ZBTB20: variants seen among roughly 807,000 people sequenced by gnomAD.
ZBTB20 encodes zinc finger and BTB domain containing 20.
ZBTB20 carries 9 observed loss-of-function variants against 56.9 expected under a neutral mutation model. That is an observed-to-expected ratio of 0.16 (90% CI 0.10 to 0.28). The LOEUF (loss-of-function observed/expected upper bound fraction) is 0.28. ZBTB20 is among the 10% of genes least tolerant of loss of function. The pLI, the probability that ZBTB20 is intolerant of heterozygous loss-of-function variation, is 1.00. For missense variants in ZBTB20, 655 were observed against 1,003.0 expected (o/e 0.65, Z 4.69); for synonymous variants, 417 against 420.7 (o/e 0.99, Z 0.11).
At chr3:114,349,633 C>A (rs908731372) in intron 11 of ZBTB20, among the ~76,000 whole-genome samples, 1 of 152,156 alleles carries the variant, frequency 6.6e-6, no homozygotes, top group Admixed American at 6.5e-5. Context: ...CTGATAGCAT[C>A]CAATCATTGG....
intron 11 of ZBTB20, among the ~76,000 whole-genome samples, chr3:114,349,735 T>C (rs1195231439): frequency 6.6e-6 from 1 of 152,206 alleles, no homozygotes; most frequent in African/African-American, 2.4e-5. Context: ...AGAGCACTTA[T>C]TATATGCTTG....
At chr3:114,654,337 A>G (rs973466702) in intron 6 of ZBTB20, among the ~76,000 whole-genome samples, 13 of 152,092 alleles carry the variant, frequency 8.5e-5, no homozygotes, top group African/African-American at 3.1e-4. Flanking sequence ...AATATACTGC[A>G]TAACTTAATT....
chr3:115,024,178 T>C (rs2080319307), intron 2 of ZBTB20, among the ~76,000 whole-genome samples: 1 of 151,082 alleles, frequency 6.6e-6, no homozygotes, highest in African/African-American at 2.4e-5. Context: ...CCTCCCTTTT[T>C]CTTCCTTGTA....
chr3:114,426,646 A>G lies in ZBTB20; in HGVS notation c.-254-37541T>C, dbSNP rs141956653. On this transcript the variant is annotated intron_variant, in intron 7 of 11. Coordinates refer to ENST00000675478, the MANE Select transcript of ZBTB20 (RefSeq NM_001348800.3). ...CTGAACTTTTTCCACATAAGCCTGCATCTACGGAATAATCCCTCATGCACT... is the reference window on the plus strand; with the variant it reads ...CTGAACTTTTTCCACATAAGCCTGCGTCTACGGAATAATCCCTCATGCACT... 1.5e-3 allele frequency among the ~76,000 whole-genome samples: 227 copies of G among 152,260 alleles called. 1 individual carries two copies. Among genetic ancestry groups the G allele is most frequent in the African/African-American group, 5.2e-3 (215 of 41,546 alleles).
At chr3:114,684,189 C>T (rs1192770619) in intron 6 of ZBTB20, among the ~76,000 whole-genome samples, 1 of 152,172 alleles carries the variant, frequency 6.6e-6, no homozygotes, top group African/African-American at 2.4e-5. Context: ...AAAATCCTGA[C>T]ACTCATTCAC....
intron 2 of ZBTB20, among the ~76,000 whole-genome samples, chr3:115,033,670 G>A (rs1215046448): frequency 6.6e-6 from 1 of 151,372 alleles, no homozygotes; most frequent in Non-Finnish European, 1.5e-5. Context: ...ACATAATGAA[G>A]TACTATTCAG....
intron 10 of ZBTB20, among the ~76,000 whole-genome samples, chr3:114,353,328 C>T (rs546367079): frequency 2.6e-5 from 4 of 152,290 alleles, no homozygotes; most frequent in South Asian, 2.1e-4. Context: ...CTCTACCTTG[C>T]GATAGAAGAC....
intron 3 of ZBTB20, among the ~76,000 whole-genome samples, chr3:114,962,478 G>A (rs115263542): frequency 4.5e-4 from 68 of 152,186 alleles, no homozygotes; most frequent in African/African-American, 1.6e-3. Context: ...TTCTAAGGCT[G>A]GTAGATAAGT....
chr3:114,947,967 A>C (rs1242783440), intron 3 of ZBTB20, among the ~76,000 whole-genome samples: 1 of 145,836 alleles, frequency 6.9e-6, no homozygotes, highest in Non-Finnish European at 1.5e-5. Flanking sequence ...TTATGAGAAT[A>C]ATATAACTAT....
chr3:114,771,113 T>C (rs908715385), intron 5 of ZBTB20, among the ~76,000 whole-genome samples: 20 of 152,228 alleles, frequency 1.3e-4, no homozygotes, highest in African/African-American at 4.6e-4. Context: ...CTCTATTTTT[T>C]TTCATTTGTA....
chr3:114,398,015 C>G (rs942663475), intron 7 of ZBTB20, among the ~76,000 whole-genome samples: 4 of 152,118 alleles, frequency 2.6e-5, no homozygotes, highest in Non-Finnish European at 5.9e-5. Context: ...GTCAGAAAGA[C>G]TAAGCACATT....
At chr3:114,498,634 G>T (rs1368369284) in intron 7 of ZBTB20, among the ~76,000 whole-genome samples, 4 of 152,120 alleles carry the variant, frequency 2.6e-5, no homozygotes, top group Middle Eastern at 3.2e-3. Flanking sequence ...CCCAGGGATG[G>T]CACAAGGTCA....
At chr3:114,778,849 CA>C (rs1342041838) in intron 5 of ZBTB20, among the ~76,000 whole-genome samples, 2 of 151,868 alleles carry the variant, frequency 1.3e-5, no homozygotes, top group Non-Finnish European at 2.9e-5. Flanking sequence ...CAGTAGTTTT[CA>C]AAACAAGAAG....
chr3:114,977,868 G>A (rs1260935313), intron 2 of ZBTB20, among the ~76,000 whole-genome samples: 1 of 151,808 alleles, frequency 6.6e-6, no homozygotes, highest in Admixed American at 6.6e-5. Flanking sequence ...AAATTAGTTG[G>A]ACATGGTGGT....
intron 6 of ZBTB20, among the ~76,000 whole-genome samples, chr3:114,596,780 A>T (rs1359981314): frequency 6.6e-6 from 1 of 152,090 alleles, no homozygotes; most frequent in Admixed American, 6.6e-5. Flanking sequence ...GAAAGAAGAA[A>T]ATCACTTCCA....
intron 6 of ZBTB20, among the ~76,000 whole-genome samples, chr3:114,664,253 T>TCATTACTTATGG (rs2060918607): frequency 6.6e-6 from 1 of 151,984 alleles, no homozygotes; most frequent in Non-Finnish European, 1.5e-5. Context: ...TAAAGCAAAA[T>TCATTACTTATGG]CATTACTTAT....
intron 4 of ZBTB20, among the ~76,000 whole-genome samples, chr3:114,816,755 A>C (rs2108900920): frequency 6.6e-6 from 1 of 152,242 alleles, no homozygotes; most frequent in African/African-American, 2.4e-5. Context: ...CTCTTTGTGA[A>C]TAGTTCTAAA....
chr3:114,773,839 C>T (rs902680752), intron 5 of ZBTB20, among the ~76,000 whole-genome samples: 2 of 152,104 alleles, frequency 1.3e-5, no homozygotes, highest in African/African-American at 4.8e-5. Flanking sequence ...TATAATCATA[C>T]CTTTAAAGGA....
At chr3:115,007,011 G>C (rs998433296) in intron 2 of ZBTB20, among the ~76,000 whole-genome samples, 10 of 151,654 alleles carry the variant, frequency 6.6e-5, no homozygotes, top group African/African-American at 2.4e-4. Flanking sequence ...TAGTCTTTCA[G>C]ATTGTTAGTA....
Sources: allele counts gnomAD v4.1 joint callset (sites outside exome capture counted in the v4.1 genomes callset), GRCh38; gene constraint gnomAD v4.1.1; transcripts MANE v1.5; gene names NCBI Gene and HGNC (gene_info 2026-07-23, HGNC 2026-07-21).